XPO6: variants seen among roughly 807,000 people sequenced by gnomAD.
XPO6 encodes the protein exportin-6.
A neutral mutation model predicts 130.0 loss-of-function variants in XPO6; 3 were observed. The observed-to-expected ratio is 0.02, with a 90% CI of 0.01 to 0.06. The LOEUF (loss-of-function observed/expected upper bound fraction) is 0.06. Among genes scored for constraint, XPO6 ranks in the 10% least tolerant of loss-of-function variants. XPO6 has a pLI of 1.00. For synonymous variants in XPO6, 524 were observed against 548.9 expected (o/e 0.95, Z 0.63); for missense variants, 970 against 1,393.0 (o/e 0.70, Z 4.83).
intron 8 of XPO6, 124 bp downstream of exon 8, chr16:28,152,535 C>T (rs2043113698): frequency 1.7e-6 from 2 of 1,203,820 alleles, no homozygotes; most frequent in Admixed American, 2.9e-5. Context: ...ACCTGTGACT[C>T]TTCACATAAT....
intron 6 of XPO6, among the ~76,000 whole-genome samples, chr16:28,158,830 C>T (rs552837101): frequency 6.6e-6 from 1 of 152,214 alleles, no homozygotes; most frequent in South Asian, 2.1e-4. Context: ...CTTATGCTTG[C>T]TTGATTTTTG....
chr16:28,107,730 T>C lies in XPO6; in HGVS notation c.2342-53A>G, dbSNP rs1257318641. On this transcript the variant is annotated intron_variant, in intron 17 of 23. Transcript: ENST00000304658. Reference sequence around the variant, plus strand: ...TAAGCTGTCTGGGGAGAAAGCATGGTAAGAGGAGACACAAGGGAGAGGGAG... The same window carrying C: ...TAAGCTGTCTGGGGAGAAAGCATGGCAAGAGGAGACACAAGGGAGAGGGAG... The C allele has an allele frequency of 1.9e-6, 3 of 1,598,970 alleles. No individual in the cohort carries two copies. In the East Asian group the frequency reaches 6.7e-5, roughly 36 times the overall value.
At chr16:28,182,889 G>GA (rs986405279) in intron 1 of XPO6, among the ~76,000 whole-genome samples, 8 of 77,418 alleles carry the variant, frequency 1.0e-4, no homozygotes, top group Non-Finnish European at 1.5e-4. Flanking sequence ...CATTTCATTT[G>GA]AAAAAAGGAT....
At chr16:28,178,381 G>A (rs1224174224) in intron 2 of XPO6, among the ~76,000 whole-genome samples, 1 of 151,720 alleles carries the variant, frequency 6.6e-6, no homozygotes, top group African/African-American at 2.4e-5. Flanking sequence ...ACCAGCCTGG[G>A]CAACACTGAG....
At chr16:28,110,671 G>T (rs978740593) in intron 17 of XPO6, among the ~76,000 whole-genome samples, 1 of 152,176 alleles carries the variant, frequency 6.6e-6, no homozygotes, top group Non-Finnish European at 1.5e-5. Flanking sequence ...TGCAAGCCCT[G>T]GGCAAGTTCC....
intron 6 of XPO6, among the ~76,000 whole-genome samples, chr16:28,158,275 A>T (rs1201374884): frequency 6.6e-6 from 1 of 152,348 alleles, no homozygotes; most frequent in East Asian, 1.9e-4. Context: ...CTATTTTTAA[A>T]GGAATACTAA....
intron 1 of XPO6, among the ~76,000 whole-genome samples, chr16:28,191,060 C>A (rs888936699): frequency 2.6e-5 from 4 of 152,176 alleles, no homozygotes; most frequent in Admixed American, 6.5e-5. Context: ...CTCTACCTTG[C>A]CCCTGGCTGC....
At chr16:28,184,795 G>A (rs1051827460) in intron 1 of XPO6, among the ~76,000 whole-genome samples, 1 of 152,194 alleles carries the variant, frequency 6.6e-6, no homozygotes, top group Non-Finnish European at 1.5e-5. Context: ...AATAAGTGTT[G>A]ATGAGGAGGC....
intron 1 of XPO6, among the ~76,000 whole-genome samples, chr16:28,185,244 C>T (rs951649634): frequency 1.3e-5 from 2 of 152,080 alleles, no homozygotes; most frequent in Admixed American, 6.6e-5. Context: ...TCTATAATTC[C>T]AGCTACTTGG....
chr16:28,171,469 A>AAAAAG lies in XPO6; in HGVS notation c.406-1565_406-1561dup, dbSNP rs1567637386. On this transcript the variant is annotated intron_variant, in intron 4 of 23. Coordinates refer to ENST00000304658, the MANE Select transcript of XPO6 (RefSeq NM_015171.4). ...CTCTGTCTCAAAAAAAAAAAAAAAAAAAAAGAAAAAGAAAGAAATACAGGG... is the reference window on the plus strand; with the variant it reads ...CTCTGTCTCAAAAAAAAAAAAAAAAAAAAAGAAAAGAAAAAGAAAGAAATACAGGG... Among the ~76,000 whole-genome samples the AAAAAG allele has an allele frequency of 3.8e-4, 56 of 145,740 alleles. 1 individual carries two copies. The highest frequency in any genetic ancestry group is 3.4e-4 in the Admixed American group (5 of 14,560).
chr16:28,192,339 A>C (rs532715209), intron 1 of XPO6, among the ~76,000 whole-genome samples: 1 of 152,090 alleles, frequency 6.6e-6, no homozygotes, highest in Non-Finnish European at 1.5e-5. Flanking sequence ...ACTACTGGGA[A>C]CTGGGGTAGC....
intron 6 of XPO6, among the ~76,000 whole-genome samples, chr16:28,166,161 C>G (rs1430459540): frequency 6.6e-6 from 1 of 152,144 alleles, no homozygotes; most frequent in East Asian, 1.9e-4. Flanking sequence ...ATTCCTGTTC[C>G]TATGTCCTCT....
At chr16:28,121,877 A>C (rs574667549) in intron 13 of XPO6, 115 bp from the exon 14 acceptor site, 158 of 665,996 alleles carry the variant, frequency 2.4e-4, no homozygotes, top group Admixed American at 1.5e-3. Flanking sequence ...ATATACAAAA[A>C]AGAATCAAGA....
chr16:28,150,549 C>G (rs954131220), intron 8 of XPO6, among the ~76,000 whole-genome samples: 9 of 152,206 alleles, frequency 5.9e-5, no homozygotes, highest in African/African-American at 2.2e-4. Context: ...AAGCAGACCT[C>G]AAACACAAAA....
intron 9 of XPO6, among the ~76,000 whole-genome samples, chr16:28,145,650 G>A (rs1225828331): frequency 6.6e-6 from 1 of 152,016 alleles, no homozygotes; most frequent in East Asian, 1.9e-4. Context: ...TACAAATGGG[G>A]TAAGAACATA....
At chr16:28,206,841 ATGG>A (rs2044038690) in intron 1 of XPO6, among the ~76,000 whole-genome samples, 1 of 152,248 alleles carries the variant, frequency 6.6e-6, no homozygotes, top group East Asian at 1.9e-4. Context: ...CTCTGAGAGC[ATGG>A]GGTACAATGC....
At chr16:28,190,279 G>A (rs1371689305) in intron 1 of XPO6, among the ~76,000 whole-genome samples, 3 of 151,392 alleles carry the variant, frequency 2.0e-5, no homozygotes, top group Non-Finnish European at 4.4e-5. Context: ...GAGTGCAGTG[G>A]CACAATCTCA....
chr16:28,208,133 G>A (rs889737295), intron 1 of XPO6, among the ~76,000 whole-genome samples: 3 of 152,148 alleles, frequency 2.0e-5, no homozygotes, highest in African/African-American at 2.4e-5. Flanking sequence ...GTGACAGAGC[G>A]AGACTCCGTC....
At chr16:28,104,383 T>G (rs544754802) in intron 21 of XPO6, among the ~76,000 whole-genome samples, 163 bp downstream of exon 21, 112 of 152,258 alleles carry the variant, frequency 7.4e-4, no homozygotes, top group Non-Finnish European at 1.3e-3. Context: ...TAGCTCCACT[T>G]TGCAGATGAA....
Sources: allele counts gnomAD v4.1 joint callset (sites outside exome capture counted in the v4.1 genomes callset), GRCh38; gene constraint gnomAD v4.1.1; transcripts MANE v1.5; gene names NCBI Gene and HGNC (gene_info 2026-07-23, HGNC 2026-07-21).